The following DOCK7 variants were observed in gnomAD, a reference collection of about 807,000 sequenced individuals.
DOCK7 encodes the protein dedicator of cytokinesis protein 7.
DOCK7 carries 138 observed loss-of-function variants against 271.0 expected under a neutral mutation model. The observed-to-expected ratio is 0.51, with a 90% CI of 0.44 to 0.59. The LOEUF (loss-of-function observed/expected upper bound fraction) is 0.59. Among genes scored for constraint, DOCK7 ranks in the 20% least tolerant of loss-of-function variants. The pLI, the probability that DOCK7 is intolerant of heterozygous loss-of-function variation, is 0.00. For synonymous variants in DOCK7, 823 were observed against 876.1 expected (o/e 0.94, Z 1.07); for missense variants, 2,066 against 2,592.4 (o/e 0.80, Z 4.41).
intron 14 of DOCK7, chr1:62,607,899 C>G (rs896376630): frequency 6.6e-6 from 1 of 152,216 alleles, no homozygotes; most frequent in Non-Finnish European, 1.5e-5. Context: ...CTGTGCAACA[C>G]GGCAAAACTC....
intron 31 of DOCK7, among the ~76,000 whole-genome samples, chr1:62,514,586 T>G (rs1644602732): frequency 6.6e-6 from 1 of 152,036 alleles, no homozygotes; most frequent in Non-Finnish European, 1.5e-5. Flanking sequence ...GATTTAGTCC[T>G]CCAACAGTAT....
chr1:62,543,843 T>C (rs1312844919), intron 23 of DOCK7, 98 bp from the exon 24 acceptor site: 2 of 808,888 alleles, frequency 2.5e-6, no homozygotes, highest in Non-Finnish European at 3.8e-6. Context: ...AACAGAGTTT[T>C]ATTATGGTTT....
At chr1:62,604,722 A>C in intron 14 of DOCK7, 1 of 1,613,276 alleles carries the variant, frequency 6.2e-7, no homozygotes, top group Non-Finnish European at 8.5e-7. Context: ...AGAGAGGAGA[A>C]GAGGATTATC....
rs187470602 is a variant in DOCK7 at position 62,568,708 on chromosome 1, C to A, written c.2113-7005G>T. On this transcript the variant is annotated intron_variant, in intron 18 of 49. Transcript: ENST00000635253. ...CCACCACCAACAACAACAAAAAACCCAAAGCTAGCAGAAGACAAGAAATAA... is the reference window on the plus strand; with the variant it reads ...CCACCACCAACAACAACAAAAAACCAAAAGCTAGCAGAAGACAAGAAATAA... Among the ~76,000 whole-genome samples, 1,023 of 147,760 alleles carry A rather than the reference C, an allele frequency of 6.9e-3. 7 individuals are homozygous for A. Among genetic ancestry groups the A allele is most frequent in the Non-Finnish European group, 0.012 (833 of 66,886 alleles).
chr1:62,503,533 G>A (rs765865341), intron 37 of DOCK7, among the ~76,000 whole-genome samples: 9 of 151,710 alleles, frequency 5.9e-5, no homozygotes, highest in Non-Finnish European at 1.3e-4. Context: ...ACACTCCTGG[G>A]CTCAAAGGGA....
intron 1 of DOCK7, among the ~76,000 whole-genome samples, chr1:62,682,780 T>C (rs927734162): frequency 1.2e-4 from 18 of 152,300 alleles, no homozygotes; most frequent in Middle Eastern, 3.4e-3. Context: ...GAACACTCAA[T>C]AGATCTTTGT....
At chr1:62,477,873 T>G (rs1333851512) in intron 43 of DOCK7, 48 bp from the exon 44 acceptor site, 17 of 1,520,976 alleles carry the variant, frequency 1.1e-5, no homozygotes, top group Non-Finnish European at 1.4e-5. Flanking sequence ...ATATGAAATC[T>G]TCCTGTTTTT....
chr1:62,604,630 T>C (rs369364557), intron 14 of DOCK7: 5 of 1,612,902 alleles, frequency 3.1e-6, no homozygotes, highest in Non-Finnish European at 4.2e-6. Flanking sequence ...CTATCTCCTT[T>C]AGGAGGCTGG....
Position 62,541,609 on chromosome 1 carries a change from G to A in DOCK7, c.3045+999C>T, listed in dbSNP as rs1012505247. ...ATTTTCTTAATAACATTTTCTTTTC[G>A]CTAGCTTATTCTAAGAACACAGTAT... On this transcript the variant is annotated intron_variant, in intron 25 of 49. Transcript: ENST00000635253. Among the ~76,000 whole-genome samples, 9 of 151,774 alleles carry A rather than the reference G, an allele frequency of 5.9e-5. No individual in the cohort carries two copies. In the South Asian group the frequency reaches 1.5e-3, roughly 25 times the overall value.
At chr1:62,467,799 C>T (rs1313399139) in intron 48 of DOCK7, among the ~76,000 whole-genome samples, 1 of 151,818 alleles carries the variant, frequency 6.6e-6, no homozygotes, top group Non-Finnish European at 1.5e-5. Context: ...AAGGACATAA[C>T]AAAAAAAGAA....
Position 62,513,885 on chromosome 1 carries a change from T to A in DOCK7, c.3950A>T (p.His1317Leu), listed in dbSNP as rs1644577537. The change falls in exon 32 of 50, where the codon CAC becomes CTC. Residue 1317 changes from histidine to leucine, a missense_variant. This residue lies in a region of DOCK7 where 1,414 missense variants were observed against 1,670.4 expected (regional missense o/e 0.85). Transcript: ENST00000635253. ...FLLTSTSGRQ[H>L]TTFSAESSRS... ...ACTTGATTCTGCTGAAAAGGTAGTGTGTTGCCTGCCACTCTGAAAATAAAG... is the reference window on the plus strand; with the variant it reads ...ACTTGATTCTGCTGAAAAGGTAGTGAGTTGCCTGCCACTCTGAAAATAAAG... 1.2e-6 allele frequency: 2 copies of A among 1,612,928 alleles called. No homozygotes were observed. The highest frequency in any genetic ancestry group is 1.7e-6 in the Non-Finnish European group (2 of 1,179,624).
chr1:62,558,933 T>A, intron 20 of DOCK7, 56 bp downstream of exon 20: 1 of 1,398,794 alleles, frequency 7.1e-7, no homozygotes, highest in Non-Finnish European at 9.9e-7. Flanking sequence ...TTTAACAAAA[T>A]TTAGAAATGT....
At chr1:62,606,522 GTCTAA>G (rs1447458198) in intron 14 of DOCK7, among the ~76,000 whole-genome samples, 1 of 152,064 alleles carries the variant, frequency 6.6e-6, no homozygotes, top group African/African-American at 2.4e-5. Flanking sequence ...ACTCACAGTT[GTCTAA>G]TCTAAGTCTA....
chr1:62,470,215 G>A (rs564544298), intron 48 of DOCK7, among the ~76,000 whole-genome samples: 2 of 152,174 alleles, frequency 1.3e-5, no homozygotes, highest in African/African-American at 2.4e-5. Context: ...GTATACATAC[G>A]ATGGAATATT....
chr1:62,673,138 G>A lies in DOCK7; in HGVS notation c.39-10008C>T, dbSNP rs534511132. Reference sequence around the variant, plus strand: ...GACTGGATCCCAGTAACCACTAAAGGCTCAAGAAAACTAAAACATATACAC... The same window carrying A: ...GACTGGATCCCAGTAACCACTAAAGACTCAAGAAAACTAAAACATATACAC... On this transcript the variant is annotated intron_variant, in intron 1 of 49. Coordinates refer to ENST00000635253, the MANE Select transcript of DOCK7 (RefSeq NM_001367561.1). 7.3e-5 allele frequency among the ~76,000 whole-genome samples: 11 copies of A among 150,864 alleles called. No individual in the cohort carries two copies. In the East Asian group the frequency reaches 1.4e-3, roughly 19 times the overall value.
Position 62,561,621 on chromosome 1 carries a change from G to A in DOCK7, c.2195C>T (p.Thr732Ile), listed in dbSNP as rs777904081. 6.4e-7 allele frequency: 1 copy of A among 1,557,542 alleles called. No individual in the cohort carries two copies. Among genetic ancestry groups the A allele is most frequent in the Admixed American group, 2.2e-5 (1 of 46,480 alleles). ...ATAAAAATTATTAAAACTCACTTGT[G>A]TATGGATAGACGAAACAGCAACAAC... ...VEVVAVSSIH[T>I]QDPYLDKFFA... The change falls in exon 19 of 50, where the codon ACA becomes ATA. Residue 732 changes from threonine (T) to isoleucine (I), a missense_variant. Physicochemically the swap from Thr to Ile is moderately conservative, Grantham distance 89. Coordinates refer to ENST00000635253, the MANE Select transcript of DOCK7 (RefSeq NM_001367561.1).
chr1:62,535,258 A>G (rs1645304937), intron 29 of DOCK7, among the ~76,000 whole-genome samples: 1 of 152,212 alleles, frequency 6.6e-6, no homozygotes, highest in African/African-American at 2.4e-5. Flanking sequence ...GAATTATGAT[A>G]CGCCACCAAT....
chr1:62,662,744 G>C (rs1571939549), intron 2 of DOCK7, among the ~76,000 whole-genome samples: 1 of 152,148 alleles, frequency 6.6e-6, no homozygotes, highest in South Asian at 2.1e-4. Context: ...CTGGGCGACA[G>C]AGTGAGACTC....
chr1:62,542,749 G>T (rs892687949), intron 24 of DOCK7, 46 bp from the exon 25 acceptor site: 1 of 1,557,076 alleles, frequency 6.4e-7, no homozygotes, highest in Non-Finnish European at 8.8e-7. Context: ...CAAATCTGCT[G>T]ATAACATAAA....
Sources: allele counts gnomAD v4.1 joint callset (sites outside exome capture counted in the v4.1 genomes callset), GRCh38; gene constraint gnomAD v4.1.1; regional missense constraint gnomAD v4.1.1; transcripts MANE v1.5; gene names NCBI Gene and HGNC (gene_info 2026-07-23, HGNC 2026-07-21).